The following CSMD1 variants were observed in gnomAD, a reference collection of about 807,000 sequenced individuals.
CSMD1 encodes CUB and sushi domain-containing protein 1.
In CSMD1, 213 loss-of-function variants were observed where a neutral mutation model predicts 417.5. The observed-to-expected ratio is 0.51, with a 90% CI of 0.46 to 0.57. The LOEUF is 0.57. Ranked by LOEUF, CSMD1 falls within the 20% of genes least tolerant of loss-of-function variation. CSMD1 has a pLI of 0.00. For synonymous variants in CSMD1, 2,862 were observed against 1,736.8 expected, an observed-to-expected ratio of 1.65 and a Z score of -16.11; for missense variants, 6,923 against 4,529.7, an observed-to-expected ratio of 1.53 and a Z score of -15.17.
Position 4,032,081 on chromosome 8 carries a change from C to T in CSMD1, c.434G>A (p.Cys145Tyr), listed in dbSNP as rs1224770765. 6.2e-7 allele frequency: 1 copy of T among 1,612,128 alleles called. No individual in the cohort carries two copies. The highest frequency in any genetic ancestry group is 1.7e-5 in the Admixed American group (1 of 59,862). Reference sequence around the variant, plus strand: ...TTTCAGGATTTCTCCAGGATTTCCACAAGTGTGGCTAGGTAAAACTATTGG... The same window carrying T: ...TTTCAGGATTTCTCCAGGATTTCCATAAGTGTGGCTAGGTAAAACTATTGG... ...ALYEVLPSHT[C>Y]GNPGEILKGV... The change falls in exon 4 of 70, where the codon TGT (cysteine) becomes TAT (tyrosine). Residue 145 changes from cysteine to tyrosine, a missense_variant. Physicochemically the swap from Cys to Tyr is radical, Grantham distance 194 (BLOSUM62 -2). Transcript: ENST00000635120.
At chr8:4,059,767 C>T (rs1195824363) in intron 3 of CSMD1, among the ~76,000 whole-genome samples, 2 of 151,948 alleles carry the variant, frequency 1.3e-5, no homozygotes, top group Non-Finnish European at 2.9e-5. Flanking sequence ...TCTGAATAGA[C>T]CAATAACAGG....
intron 1 of CSMD1, among the ~76,000 whole-genome samples, chr8:4,680,605 G>C (rs971327472): frequency 2.6e-5 from 4 of 151,112 alleles, no homozygotes; most frequent in African/African-American, 9.7e-5. Context: ...TTTTGTGACA[G>C]AGTCTTCCTC....
chr8:4,793,386 G>C (rs191480968), intron 1 of CSMD1, among the ~76,000 whole-genome samples: 4 of 152,044 alleles, frequency 2.6e-5, no homozygotes, highest in African/African-American at 4.8e-5. Context: ...AATAAATTTT[G>C]TTTCAAAATA....
chr8:3,950,308 G>A (rs1005090137), intron 5 of CSMD1, among the ~76,000 whole-genome samples: 5 of 152,164 alleles, frequency 3.3e-5, no homozygotes, highest in Non-Finnish European at 7.3e-5. Context: ...TCTCCAGTTT[G>A]ATAGTTTCCA....
intron 3 of CSMD1, among the ~76,000 whole-genome samples, chr8:4,205,030 G>T (rs947187819): frequency 6.6e-6 from 1 of 152,058 alleles, no homozygotes; most frequent in Non-Finnish European, 1.5e-5. Flanking sequence ...ATTCAAGCAA[G>T]AGTAATTTAC....
At chr8:2,962,314 G>T (rs183896170) in intron 61 of CSMD1, among the ~76,000 whole-genome samples, 152 bp downstream of exon 61, 1 of 152,176 alleles carries the variant, frequency 6.6e-6, no homozygotes, top group Non-Finnish European at 1.5e-5. Context: ...TGATGAGTGC[G>T]CAATCCTACT....
chr8:4,971,639 T>C (rs1188836130), intron 1 of CSMD1, among the ~76,000 whole-genome samples: 1 of 151,710 alleles, frequency 6.6e-6, no homozygotes, highest in Non-Finnish European at 1.5e-5. Flanking sequence ...TCAAAATGTA[T>C]AGTCTTATTC....
At chr8:4,737,052 T>C (rs1260715784) in intron 1 of CSMD1, among the ~76,000 whole-genome samples, 1 of 152,164 alleles carries the variant, frequency 6.6e-6, no homozygotes, top group Non-Finnish European at 1.5e-5. Context: ...TATTGCAGCA[T>C]GATTCACAAA....
At chr8:4,461,772 G>C (rs1296611694) in intron 2 of CSMD1, among the ~76,000 whole-genome samples, 5 of 134,612 alleles carry the variant, frequency 3.7e-5, no homozygotes, top group African/African-American at 8.4e-5. Flanking sequence ...ATGGAGTCTC[G>C]CTCTGTCACC....
chr8:4,845,280 G>A (rs966588139), intron 1 of CSMD1, among the ~76,000 whole-genome samples: 20 of 152,174 alleles, frequency 1.3e-4, no homozygotes, highest in African/African-American at 4.6e-4. Context: ...AACATTTTTC[G>A]ATTTAGAAAA....
At chr8:3,857,624 C>G (rs1187560435) in intron 5 of CSMD1, among the ~76,000 whole-genome samples, 3 of 152,150 alleles carry the variant, frequency 2.0e-5, no homozygotes, top group Non-Finnish European at 4.4e-5. Flanking sequence ...GTGGAGTTCA[C>G]AGAGCAGAGG....
chr8:4,775,652 A>T (rs1202445616), intron 1 of CSMD1, among the ~76,000 whole-genome samples: 1 of 152,184 alleles, frequency 6.6e-6, no homozygotes, highest in African/African-American at 2.4e-5. Context: ...TTTCAAAAAC[A>T]TCATCTTATG....
At chr8:3,947,214 A>G (rs766505165) in intron 5 of CSMD1, among the ~76,000 whole-genome samples, 18 of 152,214 alleles carry the variant, frequency 1.2e-4, no homozygotes, top group Non-Finnish European at 1.9e-4. Flanking sequence ...GTTCCTAGTC[A>G]GCTGAAAAGC....
chr8:3,477,303 C>T (rs1241915677), intron 11 of CSMD1, among the ~76,000 whole-genome samples: 1 of 152,128 alleles, frequency 6.6e-6, no homozygotes, highest in Non-Finnish European at 1.5e-5. Flanking sequence ...GAAAATTTGA[C>T]AATGGAAACG....
At chr8:3,316,637 C>T (rs191965179) in intron 23 of CSMD1, among the ~76,000 whole-genome samples, 2 of 152,102 alleles carry the variant, frequency 1.3e-5, no homozygotes, top group East Asian at 1.9e-4. Context: ...GTTGGGAACA[C>T]CAATTTACAG....
At chr8:3,061,616 G>A (rs80202266) in intron 49 of CSMD1, among the ~76,000 whole-genome samples, 290 of 152,124 alleles carry the variant, frequency 1.9e-3, no homozygotes, top group African/African-American at 6.8e-3. Context: ...AACCAGCACC[G>A]ATCCATATAC....
chr8:3,274,812 C>G (rs1470061092), intron 26 of CSMD1, among the ~76,000 whole-genome samples: 2 of 152,130 alleles, frequency 1.3e-5, no homozygotes, highest in East Asian at 1.9e-4. Flanking sequence ...CATTTTGAGC[C>G]TATGTGTGTC....
At chr8:4,649,045 T>C (rs1294717245) in intron 1 of CSMD1, among the ~76,000 whole-genome samples, 3 of 152,338 alleles carry the variant, frequency 2.0e-5, no homozygotes, top group East Asian at 3.9e-4. Context: ...GAAACTCTTC[T>C]TGTAGGCTTC....
intron 1 of CSMD1, among the ~76,000 whole-genome samples, chr8:4,875,309 A>G (rs935828922): frequency 6.6e-6 from 1 of 152,040 alleles, no homozygotes; most frequent in East Asian, 1.9e-4. Flanking sequence ...CGAAAATATG[A>G]TATGACCTTG....
Sources: gnomAD v4.1 joint callset for allele counts (sites outside exome capture counted in the v4.1 genomes callset) on GRCh38, gnomAD v4.1.1 for gene constraint, MANE v1.5 for transcripts, NCBI Gene and HGNC (gene_info 2026-07-23, HGNC 2026-07-21) for gene names.